Variants in NUP58 observed in about 807,000 individuals in gnomAD.
NUP58 encodes nucleoporin 58.
NUP58 carries 17 observed loss-of-function variants against 70.1 expected under a neutral mutation model. That is an observed-to-expected ratio of 0.24 (90% CI 0.17 to 0.36). The LOEUF (loss-of-function observed/expected upper bound fraction) is 0.36, where lower values mean the gene tolerates loss of function less well. NUP58 is among the 10% of genes least tolerant of loss of function. NUP58 has a pLI of 1.00. For synonymous variants in NUP58, 275 were observed against 257.6 expected, an observed-to-expected ratio of 1.07 and a Z score of -0.65; for missense variants, 644 against 701.5, an observed-to-expected ratio of 0.92 and a Z score of 0.93.
rs113027900 is a variant in NUP58, at chr13:25,328,026, C to G, written c.1233+514C>G. Among the ~76,000 whole-genome samples, 908 of 152,032 alleles carry G rather than the reference C, an allele frequency of 6.0e-3. 11 individuals carry two copies. The highest frequency in any genetic ancestry group is 0.02 in the African/African-American group (836 of 41,464). On this transcript the variant is annotated intron_variant, in intron 12 of 15. Coordinates refer to ENST00000381736, the MANE Select transcript of NUP58 (RefSeq NM_014089.4). ...CCAGCCTGGCCAATATGGTGAAACC[C>G]CGTCTCTACTAAAATTACAAAAATT...
At chr13:25,305,527 G>A (rs1389148227) in intron 1 of NUP58, among the ~76,000 whole-genome samples, 2 of 151,922 alleles carry the variant, frequency 1.3e-5, no homozygotes, top group Non-Finnish European at 2.9e-5. Flanking sequence ...CTCCTGCCTC[G>A]CCTTCATATG....
At chr13:25,310,764 G>A (rs1396113181) in intron 3 of NUP58, among the ~76,000 whole-genome samples, 1 of 152,088 alleles carries the variant, frequency 6.6e-6, no homozygotes, top group Admixed American at 6.5e-5. Context: ...CATAGTTTCT[G>A]GCTTCTTTTC....
At chr13:25,345,584 T>TG (rs58929945), downstream of NUP58, among the ~76,000 whole-genome samples, 49 of 147,686 alleles carry the variant, frequency 3.3e-4, no homozygotes, top group African/African-American at 1.1e-3. Flanking sequence ...ATGGGGGCGG[T>TG]GGGGGGGGGT....
intron 1 of NUP58, among the ~76,000 whole-genome samples, chr13:25,305,130 G>T (rs1156557259): frequency 5.3e-4 from 31 of 58,570 alleles, no homozygotes; most frequent in African/African-American, 1.1e-3. Flanking sequence ...GATCTGTGGG[G>T]TTTTTTTTTT....
intron 13 of NUP58, chr13:25,334,212 AT>A: frequency 2.0e-6 from 2 of 985,416 alleles, no homozygotes. Flanking sequence ...ACACTTGTCT[AT>A]AAGTGCTTCC....
intron 13 of NUP58, among the ~76,000 whole-genome samples, chr13:25,336,617 A>C (rs1032333153): frequency 6.6e-6 from 1 of 152,224 alleles, no homozygotes; most frequent in East Asian, 1.9e-4. Context: ...AAGGAATGAT[A>C]ATTTATGATA....
intron 2 of NUP58, chr13:25,308,187 G>T (rs891112304): frequency 5.4e-6 from 2 of 367,040 alleles, no homozygotes; most frequent in Non-Finnish European, 9.6e-6. Context: ...TAAATTTTTG[G>T]ATTATATAAT....
intron 9 of NUP58, 34 bp from the exon 10 acceptor site, chr13:25,324,953 CTT>C (rs59746219): frequency 8.9e-3 from 9,834 of 1,099,050 alleles, no homozygotes; most frequent in Middle Eastern, 0.012. Context: ...TCTTAACTGG[CTT>C]TTTTTTTTTT....
intron 9 of NUP58, among the ~76,000 whole-genome samples, chr13:25,322,296 A>G (rs896507401): frequency 2.0e-5 from 3 of 152,332 alleles, no homozygotes; most frequent in Admixed American, 6.5e-5. Flanking sequence ...ATTGGAGAAT[A>G]TCTTGTAATC....
intron 1 of NUP58, among the ~76,000 whole-genome samples, chr13:25,302,334 T>C (rs945369827): frequency 6.6e-6 from 1 of 152,242 alleles, no homozygotes; most frequent in African/African-American, 2.4e-5. Flanking sequence ...TTAATAACTT[T>C]GTGGTTTTTA....
At chr13:25,324,787 G>C (rs111991112) in intron 9 of NUP58, among the ~76,000 whole-genome samples, 2 of 152,212 alleles carry the variant, frequency 1.3e-5, no homozygotes, top group Admixed American at 6.5e-5. Flanking sequence ...TTATAAGTTT[G>C]TTAAAACTGT....
Position 25,312,959 on chromosome 13 carries a change from A to G in NUP58, c.363A>G (p.Pro121=), listed in dbSNP as rs565158758. ...ATAAACCTGCAGCATCTGCCACACC[A>G]TTTGCTCTACCTATTACCTCTACCT... ...GFNKPAASAT[P]FALPITSTSA... Residue 121 remains proline, a synonymous_variant, in exon 4 of 16, where the codon CCA becomes CCG. Transcript: ENST00000381736. 3 of 1,613,996 alleles carry G rather than the reference A, an allele frequency of 1.9e-6. No homozygotes were observed. Among genetic ancestry groups the G allele is most frequent in the East Asian group, 2.2e-5 (1 of 44,900 alleles).
intron 13 of NUP58, chr13:25,333,219 T>G (rs376815780): frequency 1.0e-6 from 1 of 985,380 alleles, no homozygotes; most frequent in Non-Finnish European, 1.2e-6. Flanking sequence ...TGTGGACATA[T>G]GGAGATGTGT....
At chr13:25,332,624 A>G (rs1397165163) in intron 13 of NUP58, 1 of 985,332 alleles carries the variant, frequency 1.0e-6, no homozygotes, top group African/African-American at 1.7e-5. Flanking sequence ...AGTTTAAAAA[A>G]TTGTTCTTCA....
At chr13:25,310,912 G>A (rs960474662) in intron 3 of NUP58, among the ~76,000 whole-genome samples, 15 of 152,188 alleles carry the variant, frequency 9.9e-5, no homozygotes, top group African/African-American at 3.6e-4. Context: ...TGGCACTGCT[G>A]GTGAGGATGG....
chr13:25,346,416 C>G (rs2032051273), downstream of NUP58, among the ~76,000 whole-genome samples: 1 of 152,052 alleles, frequency 6.6e-6, no homozygotes, highest in South Asian at 2.1e-4. Context: ...AGTGGGCTTT[C>G]TTAAGTTAAA....
chr13:25,327,930 G>A lies in NUP58; in HGVS notation c.1233+418G>A, dbSNP rs2031458925. ...AAATAGGCATTCTTAGTCAGGCACAGTGGCTTACACCTGTAATCCCAGCAC... is the reference window on the plus strand; with the variant it reads ...AAATAGGCATTCTTAGTCAGGCACAATGGCTTACACCTGTAATCCCAGCAC... On this transcript the variant is annotated intron_variant, in intron 12 of 15. Coordinates refer to ENST00000381736, the MANE Select transcript of NUP58 (RefSeq NM_014089.4). Among the ~76,000 whole-genome samples, 2 of 152,142 alleles carry A rather than the reference G, an allele frequency of 1.3e-5. 1 individual carries two copies. Among genetic ancestry groups the A allele is most frequent in the South Asian group, 4.1e-4 (2 of 4,826 alleles).
In NUP58 at chr13:25,325,081, A is replaced by G; in HGVS notation, c.1031+13A>G. 1 of 1,576,808 alleles carries G rather than the reference A, an allele frequency of 6.3e-7. No individual in the cohort carries two copies. The highest frequency in any genetic ancestry group is 8.7e-7 in the Non-Finnish European group (1 of 1,152,012). On this transcript the variant is annotated intron_variant, in intron 10 of 15. Coordinates refer to ENST00000381736, the MANE Select transcript of NUP58 (RefSeq NM_014089.4). ...CAGCTCCTGCTGAGTAAGTTGCTGG[A>G]TTTTTAAAAACAAATGTTTCTCACT...
chr13:25,332,762 C>G, intron 13 of NUP58: 8 of 985,420 alleles, frequency 8.1e-6, no homozygotes, highest in Non-Finnish European at 8.4e-6. Context: ...TGGTAGCTCT[C>G]TAGCTGGCTG....
Sources: gnomAD v4.1 joint callset for allele counts (sites outside exome capture counted in the v4.1 genomes callset) on GRCh38, gnomAD v4.1.1 for gene constraint, MANE v1.5 for transcripts, NCBI Gene and HGNC (gene_info 2026-07-23, HGNC 2026-07-21) for gene names.